LRP1B: variants seen among roughly 807,000 people sequenced by gnomAD.
LRP1B encodes the protein low-density lipoprotein receptor-related protein 1B.
A neutral mutation model predicts 556.6 loss-of-function variants in LRP1B; 217 were observed. That is an observed-to-expected ratio of 0.39 (90% CI 0.35 to 0.44). The LOEUF is 0.44. LRP1B is among the 20% of genes least tolerant of loss of function. The probability of loss-of-function intolerance (pLI) is 1.00; values close to 1 mark genes in which losing one functional copy is unlikely to be tolerated. For missense variants in LRP1B, 5,053 were observed against 5,620.8 expected, an observed-to-expected ratio of 0.90 and a Z score of 3.23; for synonymous variants, 2,047 against 1,865.8, an observed-to-expected ratio of 1.10 and a Z score of -2.50.
At chr2:140,238,011 A>T (rs906400644) in intron 89 of LRP1B, 141 bp downstream of exon 89, 2 of 548,094 alleles carry the variant, frequency 3.6e-6, no homozygotes, top group African/African-American at 3.9e-5. Flanking sequence ...TCTTTAGAAG[A>T]GGCTATATCA....
At chr2:140,377,741 G>A (rs1211631781) in intron 68 of LRP1B, among the ~76,000 whole-genome samples, 1 of 152,092 alleles carries the variant, frequency 6.6e-6, no homozygotes, top group African/African-American at 2.4e-5. Context: ...TCAACCTGTG[G>A]TTTCATAAAA....
intron 51 of LRP1B, among the ~76,000 whole-genome samples, chr2:140,511,292 CTTTTT>C (rs70985101): frequency 8.6e-5 from 5 of 58,454 alleles, no homozygotes; most frequent in East Asian, 6.1e-4. Context: ...CTCTAAGGGT[CTTTTT>C]TTTTTTTTTT....
chr2:141,972,289 A>T (rs1701764632), intron 1 of LRP1B, among the ~76,000 whole-genome samples: 2 of 151,568 alleles, frequency 1.3e-5, no homozygotes, highest in Admixed American at 6.6e-5. Flanking sequence ...TAGATTGAGT[A>T]TACAAATATT....
intron 35 of LRP1B, among the ~76,000 whole-genome samples, chr2:140,727,786 G>A (rs1687645763): frequency 6.6e-6 from 1 of 152,118 alleles, no homozygotes; most frequent in African/African-American, 2.4e-5. Flanking sequence ...ATTTTTGAAA[G>A]CATTCCTTCA....
At chr2:140,900,158 T>C (rs74858084) in intron 23 of LRP1B, among the ~76,000 whole-genome samples, 9 of 152,250 alleles carry the variant, frequency 5.9e-5, no homozygotes, top group Non-Finnish European at 1.2e-4. Context: ...ATTAGGAGAG[T>C]TATCTCTGTC....
At chr2:141,591,242 T>C (rs1213642566) in intron 2 of LRP1B, among the ~76,000 whole-genome samples, 1 of 152,152 alleles carries the variant, frequency 6.6e-6, no homozygotes, top group African/African-American at 2.4e-5. Context: ...GCACTCCCCA[T>C]GTCCCTAAGA....
intron 2 of LRP1B, among the ~76,000 whole-genome samples, chr2:141,766,381 C>T (rs955163926): frequency 6.6e-6 from 1 of 152,160 alleles, no homozygotes; most frequent in Non-Finnish European, 1.5e-5. Context: ...CTGTAACAGA[C>T]GCTACCTTTC....
intron 7 of LRP1B, among the ~76,000 whole-genome samples, chr2:141,121,943 T>C (rs556961458): frequency 1.3e-5 from 2 of 152,008 alleles, no homozygotes; most frequent in Admixed American, 6.6e-5. Context: ...TCAGAAATAA[T>C]ACCACACATC....
chr2:140,805,523 C>G (rs551041239), intron 32 of LRP1B, among the ~76,000 whole-genome samples: 1 of 152,296 alleles, frequency 6.6e-6, no homozygotes, highest in South Asian at 2.1e-4. Flanking sequence ...AAATTCTTAA[C>G]TAAAAGTTGA....
chr2:141,276,183 A>G (rs1481851701), intron 3 of LRP1B, among the ~76,000 whole-genome samples: 5 of 152,148 alleles, frequency 3.3e-5, no homozygotes, highest in Non-Finnish European at 7.3e-5. Context: ...CACTTGTAAT[A>G]TTTAATTCTC....
chr2:141,480,981 AC>A (rs1315829633), intron 2 of LRP1B, among the ~76,000 whole-genome samples: 1 of 152,186 alleles, frequency 6.6e-6, no homozygotes, highest in Admixed American at 6.6e-5. Flanking sequence ...AGTGGCATTT[AC>A]TTGAAGTTAT....
chr2:140,943,735 T>TA (rs1695465057), intron 20 of LRP1B, among the ~76,000 whole-genome samples: 1 of 151,944 alleles, frequency 6.6e-6, no homozygotes, highest in African/African-American at 2.4e-5. Context: ...AAAATAGAGA[T>TA]ACAGCATACT....
intron 89 of LRP1B, among the ~76,000 whole-genome samples, chr2:140,235,337 C>T (rs920054286): frequency 2.0e-5 from 3 of 148,682 alleles, no homozygotes; most frequent in Admixed American, 6.8e-5. Flanking sequence ...TTGAGAATAA[C>T]AGAAATGAGT....
intron 7 of LRP1B, among the ~76,000 whole-genome samples, chr2:141,104,388 T>C (rs563627329): frequency 6.6e-6 from 1 of 152,204 alleles, no homozygotes; most frequent in South Asian, 2.1e-4. Flanking sequence ...CTTTGGAGTA[T>C]GTCAACCAGA....
chr2:141,674,026 C>G (rs958540341), intron 2 of LRP1B, among the ~76,000 whole-genome samples: 5 of 151,986 alleles, frequency 3.3e-5, no homozygotes, highest in Admixed American at 1.3e-4. Context: ...ACATTTCATT[C>G]AGGTTGGCAT....
At chr2:141,538,648 T>C (rs1289317785) in intron 2 of LRP1B, among the ~76,000 whole-genome samples, 1 of 135,834 alleles carries the variant, frequency 7.4e-6, no homozygotes, top group African/African-American at 2.5e-5. Flanking sequence ...CTTTTTTTTT[T>C]TTTTTTGAGA....
chr2:140,669,732 T>A (rs541891198), intron 41 of LRP1B, among the ~76,000 whole-genome samples: 7 of 152,074 alleles, frequency 4.6e-5, no homozygotes, highest in Non-Finnish European at 7.4e-5. Flanking sequence ...TGTAACATTA[T>A]AATAAAATAA....
chr2:141,508,840 T>G (rs1684022302), intron 2 of LRP1B, among the ~76,000 whole-genome samples: 1 of 152,144 alleles, frequency 6.6e-6, no homozygotes, highest in African/African-American at 2.4e-5. Flanking sequence ...ACTTCCCCCT[T>G]AAATTGTATT....
intron 43 of LRP1B, among the ~76,000 whole-genome samples, chr2:140,590,624 C>T (rs916359549): frequency 6.6e-6 from 1 of 151,940 alleles, no homozygotes; most frequent in Non-Finnish European, 1.5e-5. Context: ...GGGAAGGCCA[C>T]GTGAAGACAC....
Sources: gnomAD v4.1 joint callset for allele counts (sites outside exome capture counted in the v4.1 genomes callset) on GRCh38, gnomAD v4.1.1 for gene constraint, MANE v1.5 for transcripts, NCBI Gene and HGNC (gene_info 2026-07-23, HGNC 2026-07-21) for gene names.